AUTS2: variants seen among roughly 807,000 people sequenced by gnomAD.
AUTS2 encodes the protein autism susceptibility gene 2 protein.
AUTS2 carries 17 observed loss-of-function variants against 112.4 expected under a neutral mutation model. The ratio of observed to expected loss-of-function variants is 0.15; its 90% CI spans 0.10 to 0.23. AUTS2 has a LOEUF of 0.23. AUTS2 is among the 10% of genes least tolerant of loss of function. The pLI, the probability that AUTS2 is intolerant of heterozygous loss-of-function variation, is 1.00. For synonymous variants in AUTS2, 751 were observed against 702.7 expected (o/e 1.07, Z -1.09); for missense variants, 1,510 against 1,701.6 (o/e 0.89, Z 1.98).
intron 1 of AUTS2, among the ~76,000 whole-genome samples, chr7:69,811,135 G>C (rs1790527554): frequency 6.6e-6 from 1 of 152,116 alleles, no homozygotes; most frequent in Admixed American, 6.5e-5. Context: ...CACTCTACCT[G>C]CCGTTGACTG....
chr7:70,709,895 T>A lies in AUTS2; in HGVS notation c.742+11275T>A, dbSNP rs868356230. 3.7e-4 allele frequency among the ~76,000 whole-genome samples: 57 copies of A among 152,244 alleles called. No individual in the cohort carries two copies. In the East Asian group the frequency reaches 4.4e-3, roughly 12 times the overall value. On this transcript the variant is annotated intron_variant, in intron 6 of 18. Coordinates refer to ENST00000342771, the MANE Select transcript of AUTS2 (RefSeq NM_015570.4). ...TGAACAGGAATAAGCCTCTCTCCTC[T>A]TCAGGAGATTGCATCTGTGTAAGAA...
At chr7:70,094,475 A>G (rs1173272787) in intron 2 of AUTS2, among the ~76,000 whole-genome samples, 1 of 152,226 alleles carries the variant, frequency 6.6e-6, no homozygotes, top group Non-Finnish European at 1.5e-5. Flanking sequence ...GTTTGATTTG[A>G]AAGTTAAAAA....
intron 6 of AUTS2, among the ~76,000 whole-genome samples, chr7:70,742,244 A>C (rs1585608733): frequency 6.6e-6 from 1 of 152,210 alleles, no homozygotes; most frequent in South Asian, 2.1e-4. Flanking sequence ...ATGAAAGTAC[A>C]TGTTAAAGAG....
chr7:69,908,991 G>A (rs1035637929), intron 2 of AUTS2, among the ~76,000 whole-genome samples: 1 of 152,098 alleles, frequency 6.6e-6, no homozygotes, highest in African/African-American at 2.4e-5. Flanking sequence ...ACAAGGAACT[G>A]GAGTTCCTTC....
intron 6 of AUTS2, among the ~76,000 whole-genome samples, chr7:70,735,388 T>G (rs569199955): frequency 6.6e-6 from 1 of 152,202 alleles, no homozygotes. Context: ...CAACAGTCAT[T>G]CAGGAGCACG....
At chr7:70,270,683 C>T (rs540532157) in intron 4 of AUTS2, among the ~76,000 whole-genome samples, 1 of 152,208 alleles carries the variant, frequency 6.6e-6, no homozygotes, top group Admixed American at 6.5e-5. Context: ...AGCCAGGGGA[C>T]ATATCAAGTA....
Position 70,790,895 on chromosome 7 carries a change from C to A in AUTS2, c.3679C>A (p.Leu1227Met). Residue 1227 changes from leucine to methionine, a missense_variant, in exon 19 of 19, where the codon CTG becomes ATG. This residue lies in a region of AUTS2 where 788 missense variants were observed against 797.6 expected (regional missense o/e 0.99). Transcript: ENST00000342771. The surrounding 1 kb of genome is among the most constrained non-coding windows in gnomAD (Gnocchi z 7.6). ...LSAPPPLISTLGGRPVSPRRT... is the reference protein window; with the variant it reads ...LSAPPPLISTMGGRPVSPRRT... ...CGCACCTCCCCCGCTCATCTCCACGCTGGGGGGCCGCCCGGTCTCTCCCAG... is the reference window on the plus strand; with the variant it reads ...CGCACCTCCCCCGCTCATCTCCACGATGGGGGGCCGCCCGGTCTCTCCCAG... 6.3e-7 allele frequency: 1 copy of A among 1,595,792 alleles called. No homozygotes were observed. Among genetic ancestry groups the A allele is most frequent in the Non-Finnish European group, 8.5e-7 (1 of 1,170,742 alleles).
chr7:69,754,570 G>A (rs1787872720), intron 1 of AUTS2, among the ~76,000 whole-genome samples: 1 of 152,092 alleles, frequency 6.6e-6, no homozygotes, highest in African/African-American at 2.4e-5. Context: ...GTAGAAATAG[G>A]AACACAGAAG....
intron 4 of AUTS2, among the ~76,000 whole-genome samples, chr7:70,212,995 G>A (rs1810985166): frequency 1.3e-5 from 2 of 152,068 alleles, no homozygotes; most frequent in African/African-American, 4.8e-5. Flanking sequence ...ACAATAGTAT[G>A]TTGTACATTT....
At chr7:70,084,861 G>T (rs1418060077) in intron 2 of AUTS2, among the ~76,000 whole-genome samples, 1 of 151,924 alleles carries the variant, frequency 6.6e-6, no homozygotes, top group African/African-American at 2.4e-5. Flanking sequence ...GAGGTTTCAA[G>T]GTTGTTTTTT....
At chr7:70,653,902 C>T (rs560399097) in intron 5 of AUTS2, among the ~76,000 whole-genome samples, 1 of 152,110 alleles carries the variant, frequency 6.6e-6, no homozygotes, top group South Asian at 2.1e-4. Flanking sequence ...AAACTATGTA[C>T]TGTTTGTATA....
At chr7:69,708,787 G>C (rs1204131733) in intron 1 of AUTS2, among the ~76,000 whole-genome samples, 7 of 152,274 alleles carry the variant, frequency 4.6e-5, no homozygotes, top group African/African-American at 1.7e-4. Context: ...ATGTTGTGGA[G>C]GTTTTTTGAA....
rs1258063730 is a variant in AUTS2, at chr7:70,216,012, TA to T, written c.660+81449del. Among the ~76,000 whole-genome samples, 12 of 152,152 alleles carry T rather than the reference TA, an allele frequency of 7.9e-5. No homozygotes were observed. The East Asian group carries it at 1.7e-3, about 22-fold the overall frequency. On this transcript the variant is annotated intron_variant, in intron 4 of 18. Coordinates refer to ENST00000342771, the MANE Select transcript of AUTS2 (RefSeq NM_015570.4). ...TGAGAATCTGACAAATGAAAAATTATAAAAAAAATTCAGAATCCCTATATTG... is the reference window on the plus strand; with the variant it reads ...TGAGAATCTGACAAATGAAAAATTATAAAAAAATTCAGAATCCCTATATTG...
chr7:70,108,447 G>A (rs910007197), intron 2 of AUTS2, among the ~76,000 whole-genome samples: 5 of 151,894 alleles, frequency 3.3e-5, no homozygotes, highest in African/African-American at 9.7e-5. Context: ...TAAAGATAAC[G>A]GTATAATGAA....
At chr7:70,121,392 GAAA>G (rs2129573220) in intron 3 of AUTS2, among the ~76,000 whole-genome samples, 1 of 152,162 alleles carries the variant, frequency 6.6e-6, no homozygotes, top group South Asian at 2.1e-4. Flanking sequence ...GCATTATCAA[GAAA>G]GTAAAAAGAC....
intron 4 of AUTS2, among the ~76,000 whole-genome samples, chr7:70,213,038 C>A (rs1022986120): frequency 2.0e-5 from 3 of 151,982 alleles, no homozygotes; most frequent in African/African-American, 7.3e-5. Flanking sequence ...TTCAAATGTT[C>A]TTAACATAAA....
intron 5 of AUTS2, among the ~76,000 whole-genome samples, chr7:70,588,899 T>C (rs1006725784): frequency 1.3e-5 from 2 of 152,210 alleles, no homozygotes; most frequent in African/African-American, 2.4e-5. Flanking sequence ...TTTTTTTACA[T>C]CTGAATTCGG....
intron 2 of AUTS2, among the ~76,000 whole-genome samples, chr7:69,999,747 G>T (rs1034124505): frequency 1.3e-5 from 2 of 151,978 alleles, no homozygotes; most frequent in African/African-American, 4.8e-5. Context: ...TTACCCCCCT[G>T]CCACACACAC....
intron 1 of AUTS2, among the ~76,000 whole-genome samples, chr7:69,634,151 G>A (rs1294801201): frequency 1.3e-5 from 2 of 150,162 alleles, no homozygotes; most frequent in East Asian, 1.9e-4. Flanking sequence ...ACGGAGTCTC[G>A]CTCTGTGGCC....
Sources: allele counts gnomAD v4.1 joint callset (sites outside exome capture counted in the v4.1 genomes callset), GRCh38; gene constraint gnomAD v4.1.1; regional missense constraint gnomAD v4.1.1; non-coding constraint Gnocchi (gnomAD v3.1); transcripts MANE v1.5; gene names NCBI Gene and HGNC (gene_info 2026-07-23, HGNC 2026-07-21).